KRT82: variants seen among roughly 807,000 people sequenced by gnomAD.
KRT82 encodes the protein keratin 82, also known as keratin, type II cuticular Hb2.
In KRT82, 44 loss-of-function variants were observed where a neutral mutation model predicts 48.0. The observed-to-expected ratio is 0.92, with a 90% CI of 0.72 to 1.18. KRT82 has a LOEUF of 1.18. Ranked by LOEUF, KRT82 falls within the 50% of genes most tolerant of loss-of-function variation. The pLI, the probability that KRT82 is intolerant of heterozygous loss-of-function variation, is 0.00. For synonymous variants in KRT82, 297 were observed against 278.3 expected (o/e 1.07, Z -0.67); for missense variants, 701 against 671.4 (o/e 1.04, Z -0.49).
Position 52,394,899 on chromosome 12 carries a change from G to T in KRT82, c.*76C>A, listed in dbSNP as rs534336680. The T allele has an allele frequency of 3.5e-4, 443 of 1,269,580 alleles. 1 individual carries two copies. Among genetic ancestry groups the T allele is most frequent in the Non-Finnish European group, 4.6e-4 (400 of 874,736 alleles). 78.6% of individuals were successfully genotyped at this position (1,269,580 alleles called of 1,614,324 possible). On this transcript the variant is annotated 3_prime_UTR_variant, in exon 9 of 9. Transcript: ENST00000257974. ...GGAGGTGGGGTTTTGGAACATCCTTGTCTTCAGCCCTGGTGGGAGTGTGAC... is the reference window on the plus strand; with the variant it reads ...GGAGGTGGGGTTTTGGAACATCCTTTTCTTCAGCCCTGGTGGGAGTGTGAC...
At chr12:52,396,564 T>G (rs533788939) in intron 6 of KRT82, among the ~76,000 whole-genome samples, 1 of 152,206 alleles carries the variant, frequency 6.6e-6, no homozygotes, top group African/African-American at 2.4e-5. Context: ...TTCAGGATCA[T>G]AGAATCACAG....
At chr12:52,404,216 C>G (rs941304620) in intron 1 of KRT82, among the ~76,000 whole-genome samples, 19 of 152,174 alleles carry the variant, frequency 1.2e-4, no homozygotes, top group Non-Finnish European at 2.6e-4. Flanking sequence ...TCTCTATCCT[C>G]GTGACCTTGA....
Position 52,396,044 on chromosome 12 carries a change from G to C in KRT82, c.1257C>G (p.Thr419=). The change falls in exon 7 of 9, where the codon ACC becomes ACG. Residue 419 remains threonine, a synonymous_variant. Coordinates refer to ENST00000257974, the MANE Select transcript of KRT82 (RefSeq NM_033033.4). ...SKLGLDIEIA[T]YRRLLEGEEH... ...CTTCACCCTCCAGCAGGCGCCTGTA[G>C]GTGGCGATCTCGATGTCCAGGCCCA... 6.2e-7 allele frequency: 1 copy of C among 1,614,140 alleles called. No homozygotes were observed. Among genetic ancestry groups the C allele is most frequent in the Non-Finnish European group, 8.5e-7 (1 of 1,180,042 alleles).
chr12:52,402,294 T>C (rs900025786), intron 2 of KRT82: 1 of 152,278 alleles, frequency 6.6e-6, no homozygotes, highest in Non-Finnish European at 1.5e-5. Flanking sequence ...CCTTCCCCGA[T>C]TGTCTCACTT....
chr12:52,404,992 G>A (rs1939834425), intron 1 of KRT82, among the ~76,000 whole-genome samples: 1 of 152,130 alleles, frequency 6.6e-6, no homozygotes, highest in South Asian at 2.1e-4. Context: ...CAGGACTCTT[G>A]CCCCTAAACC....
At chr12:52,395,724 C>A in intron 8 of KRT82, 35 bp downstream of exon 8, 1 of 1,541,682 alleles carries the variant, frequency 6.5e-7, no homozygotes, top group South Asian at 1.2e-5. Flanking sequence ...ACCCCCAAGA[C>A]TCCAGAGCCA....
At chr12:52,404,217 G>A (rs191006440) in intron 1 of KRT82, among the ~76,000 whole-genome samples, 2 of 152,206 alleles carry the variant, frequency 1.3e-5, no homozygotes, top group African/African-American at 2.4e-5. Context: ...CTCTATCCTC[G>A]TGACCTTGAC....
rs538312762 is a variant in KRT82, at chr12:52,406,211, C to G, written c.67G>C (p.Val23Leu). ...GSQSFSSYSA[V>L]MPRMVTHYAV... The stretch of plus-strand genomic sequence containing the variant: ...TAGTGGGTGACCATCCGGGGCATGA[C>G]AGCCGAGTATGAGCTGAAACTCTGA... The change falls in exon 1 of 9, where the codon GTC becomes CTC. Residue 23 changes from valine to leucine, a missense_variant. Transcript: ENST00000257974. The G allele has an allele frequency of 1.2e-6, 2 of 1,612,938 alleles. No homozygotes were observed. The highest frequency in any genetic ancestry group is 1.3e-5 in the African/African-American group (1 of 74,926).
rs551543948 is a variant in KRT82, at chr12:52,400,728, G to T, written c.682-106C>A. On this transcript the variant is annotated intron_variant, in intron 3 of 8. Coordinates refer to ENST00000257974, the MANE Select transcript of KRT82 (RefSeq NM_033033.4). ...CACCTTTCCTCACGAACACCCATGG[G>T]CATCGAAGGGGTGATGGAGCCGAGG... 98 of 770,746 alleles carry T rather than the reference G, an allele frequency of 1.3e-4. 2 individuals carry two copies. In the South Asian group the frequency reaches 1.3e-3, roughly 11 times the overall value. The allele number at this position is 770,746 out of a possible 1,614,324, so 47.7% of individuals were successfully genotyped here. A position where few individuals can be genotyped will look rare whatever the true frequency, so the allele number is the denominator to read the frequency against.
At chr12:52,402,237 C>T (rs1485200891) in intron 2 of KRT82, 1 of 152,292 alleles carries the variant, frequency 6.6e-6, no homozygotes, top group Non-Finnish European at 1.5e-5. Context: ...AGGCTCTGTA[C>T]TGTGAAAGTG....
chr12:52,400,721 C>A, intron 3 of KRT82, 99 bp from the exon 4 acceptor site: 1 of 816,876 alleles, frequency 1.2e-6, no homozygotes, highest in South Asian at 1.4e-5. Flanking sequence ...CTCACGAACA[C>A]CCATGGGCAT....
intron 8 of KRT82, 50 bp from the exon 9 acceptor site, chr12:52,395,245 G>A (rs1592152112): frequency 6.7e-7 from 1 of 1,499,168 alleles, no homozygotes; most frequent in Non-Finnish European, 9.2e-7. Flanking sequence ...GTGGCTCTCA[G>A]TGTACTGCCC....
chr12:52,401,576 G>A (rs984584547), intron 2 of KRT82, among the ~76,000 whole-genome samples: 3 of 152,102 alleles, frequency 2.0e-5, no homozygotes, highest in Non-Finnish European at 2.9e-5. Context: ...ACCTTCTCCC[G>A]CGATGAGTCC....
Position 52,400,088 on chromosome 12 carries a change from C to A in KRT82, c.839G>T (p.Ser280Ile). 6.2e-7 allele frequency: 1 copy of A among 1,614,184 alleles called. No homozygotes were observed. ...GATGCCGTCCACGTCCAGCTCCCGGCTGTTGTCCATCTTCACAATGACCGA... is the reference window on the plus strand; with the variant it reads ...GATGCCGTCCACGTCCAGCTCCCGGATGTTGTCCATCTTCACAATGACCGA... The part of the protein sequence containing the change: ...ETSVIVKMDN[S>I]RELDVDGIIA... The change falls in exon 5 of 9, where the codon AGC (serine) becomes ATC (isoleucine). Residue 280 changes from serine to isoleucine, a missense_variant. Ser to Ile is a moderately radical substitution (Grantham distance 142). Transcript: ENST00000257974.
intron 2 of KRT82, chr12:52,402,461 T>C (rs906610140): frequency 6.6e-5 from 10 of 152,338 alleles, no homozygotes; most frequent in African/African-American, 2.4e-4. Context: ...GCTAGAGTTG[T>C]CCCCTTCACT....
chr12:52,399,955 G>A (rs1439599095), intron 5 of KRT82, 30 bp downstream of exon 5: 1 of 1,603,368 alleles, frequency 6.2e-7, no homozygotes, highest in Non-Finnish European at 8.5e-7. Context: ...CACCTCTCCA[G>A]TCTCCCTGCC....
intron 6 of KRT82, 28 bp from the exon 7 acceptor site, chr12:52,396,260 C>A: frequency 6.3e-7 from 1 of 1,586,110 alleles, no homozygotes; most frequent in Non-Finnish European, 8.6e-7. Flanking sequence ...AAAAGCATCA[C>A]TGGGGGCCCT....
At chr12:52,399,942 T>G in intron 5 of KRT82, 43 bp downstream of exon 5, 2 of 1,593,702 alleles carry the variant, frequency 1.3e-6, no homozygotes, top group Non-Finnish European at 1.7e-6. Flanking sequence ...TCCCCTGGTT[T>G]GTCACCTCTC....
intron 1 of KRT82, among the ~76,000 whole-genome samples, chr12:52,405,177 C>T (rs1939836469): frequency 1.3e-5 from 2 of 152,324 alleles, no homozygotes; most frequent in South Asian, 4.1e-4. Context: ...TGCGCTCTTC[C>T]TGCAGTGGGT....
Sources: gnomAD v4.1 joint callset for allele counts (sites outside exome capture counted in the v4.1 genomes callset) on GRCh38, gnomAD v4.1.1 for gene constraint, MANE v1.5 for transcripts, NCBI Gene and HGNC (gene_info 2026-07-23, HGNC 2026-07-21) for gene names.